The following ADGRB3 variants were observed in gnomAD, a reference collection of about 807,000 sequenced individuals.
ADGRB3 encodes adhesion G protein-coupled receptor B3.
In ADGRB3, 37 loss-of-function variants were observed where a neutral mutation model predicts 193.4. The ratio of observed to expected loss-of-function variants is 0.19; its 90% CI spans 0.15 to 0.25. The LOEUF is 0.25. Ranked by LOEUF, ADGRB3 falls within the 10% of genes least tolerant of loss-of-function variation. ADGRB3 has a pLI of 1.00. For missense variants in ADGRB3, 1,637 were observed against 1,852.9 expected, an observed-to-expected ratio of 0.88 and a Z score of 2.14; for synonymous variants, 690 against 644.2, an observed-to-expected ratio of 1.07 and a Z score of -1.08.
intron 15 of ADGRB3, among the ~76,000 whole-genome samples, chr6:69,053,455 T>A (rs915643199): frequency 6.6e-6 from 1 of 152,212 alleles, no homozygotes; most frequent in African/African-American, 2.4e-5. Flanking sequence ...TGATAGCACA[T>A]GAGTATATCT....
chr6:68,986,941 A>G (rs948100078), intron 10 of ADGRB3, among the ~76,000 whole-genome samples: 1 of 152,126 alleles, frequency 6.6e-6, no homozygotes, highest in Non-Finnish European at 1.5e-5. Flanking sequence ...AAACACACCT[A>G]CTCTTTAAAC....
intron 17 of ADGRB3, among the ~76,000 whole-genome samples, chr6:69,175,060 T>G (rs1227494893): frequency 6.6e-6 from 1 of 152,222 alleles, no homozygotes; most frequent in African/African-American, 2.4e-5. Flanking sequence ...CTGTAGGTTG[T>G]CTGTTTACAC....
chr6:68,949,885 T>A (rs1767869869), intron 6 of ADGRB3, among the ~76,000 whole-genome samples: 1 of 148,462 alleles, frequency 6.7e-6, no homozygotes, highest in African/African-American at 2.6e-5. Context: ...ATTCAAACTT[T>A]AACTTATCAA....
intron 3 of ADGRB3, among the ~76,000 whole-genome samples, chr6:68,649,541 A>G (rs1441674483): frequency 1.3e-5 from 2 of 152,206 alleles, no homozygotes; most frequent in Non-Finnish European, 2.9e-5. Context: ...TACATAATTT[A>G]AACAAATATG....
At chr6:68,994,035 C>G (rs1259273117) in intron 11 of ADGRB3, 73 bp downstream of exon 11, 2 of 1,476,804 alleles carry the variant, frequency 1.4e-6, no homozygotes, top group African/African-American at 2.8e-5. Context: ...GAAGCCAGTG[C>G]AGCCGTCTTG....
At chr6:69,182,871 T>C (rs1344708010) in intron 17 of ADGRB3, among the ~76,000 whole-genome samples, 1 of 152,128 alleles carries the variant, frequency 6.6e-6, no homozygotes, top group Non-Finnish European at 1.5e-5. Context: ...GAGAGATATA[T>C]GCACAGTTGA....
intron 3 of ADGRB3, among the ~76,000 whole-genome samples, chr6:68,883,401 A>C (rs1040135847): frequency 1.3e-5 from 2 of 152,182 alleles, no homozygotes; most frequent in East Asian, 3.9e-4. Context: ...CTGCAGCACC[A>C]GCTGCGGCAA....
chr6:68,679,024 A>G (rs1272455254), intron 3 of ADGRB3, among the ~76,000 whole-genome samples: 1 of 152,194 alleles, frequency 6.6e-6, no homozygotes, highest in Non-Finnish European at 1.5e-5. Flanking sequence ...ATCCTATTTT[A>G]CTGAGTTATT....
At chr6:69,004,390 C>T (rs766688458) in intron 11 of ADGRB3, among the ~76,000 whole-genome samples, 18 of 151,434 alleles carry the variant, frequency 1.2e-4, no homozygotes, top group Non-Finnish European at 2.5e-4. Context: ...TCTGTGTGTT[C>T]TAATATCCTC....
intron 17 of ADGRB3, among the ~76,000 whole-genome samples, chr6:69,206,257 C>T (rs1241584062): frequency 1.3e-5 from 2 of 151,724 alleles, no homozygotes; most frequent in Admixed American, 6.6e-5. Context: ...TCCAGTCTCT[C>T]TTTTCTCATT....
chr6:68,643,615 A>G (rs934613379), intron 3 of ADGRB3, among the ~76,000 whole-genome samples: 1 of 150,740 alleles, frequency 6.6e-6, no homozygotes, highest in African/African-American at 2.4e-5. Context: ...AGCATTCACC[A>G]TATTGCAGCG....
intron 17 of ADGRB3, among the ~76,000 whole-genome samples, chr6:69,155,016 A>C (rs973569517): frequency 6.6e-5 from 10 of 152,230 alleles, no homozygotes; most frequent in Admixed American, 6.5e-4. Flanking sequence ...GAGAATATTG[A>C]AAATGCATTT....
At chr6:69,219,484 TATATATATAC>T (rs1221025300) in intron 17 of ADGRB3, among the ~76,000 whole-genome samples, 21 of 81,606 alleles carry the variant, frequency 2.6e-4, no homozygotes, top group African/African-American at 1.4e-3. Flanking sequence ...TATATATATA[TATATATATAC>T]GTGTGTGTGT....
chr6:68,753,700 G>T (rs1363022398), intron 3 of ADGRB3, among the ~76,000 whole-genome samples: 1 of 152,154 alleles, frequency 6.6e-6, no homozygotes, highest in Non-Finnish European at 1.5e-5. Flanking sequence ...CTGGAAGTGA[G>T]AGAGGCAAAA....
At chr6:68,917,339 T>G (rs1766909551) in intron 3 of ADGRB3, among the ~76,000 whole-genome samples, 1 of 152,238 alleles carries the variant, frequency 6.6e-6, no homozygotes, top group African/African-American at 2.4e-5. Flanking sequence ...TTCCTTTTCA[T>G]GCATCCCAAA....
chr6:68,898,414 A>G lies in ADGRB3; in HGVS notation c.758-32145A>G, dbSNP rs181521770. 6.0e-4 allele frequency among the ~76,000 whole-genome samples: 91 copies of G among 152,254 alleles called. 1 individual carries two copies. The highest frequency in any genetic ancestry group is 2.6e-4 in the Non-Finnish European group (18 of 68,008). On this transcript the variant is annotated intron_variant, in intron 3 of 31. Transcript: ENST00000370598. ...TGATTTAAATGCTAATCTCTTCTGG[A>G]AATTCCCTCACAGACACACCCAGAA...
intron 3 of ADGRB3, among the ~76,000 whole-genome samples, chr6:68,909,277 T>C (rs1281734002): frequency 6.6e-6 from 1 of 152,198 alleles, no homozygotes; most frequent in African/African-American, 2.4e-5. Flanking sequence ...TATTTTCTAT[T>C]ATGAACTTGA....
chr6:69,358,120 A>G (rs994195688), intron 28 of ADGRB3, among the ~76,000 whole-genome samples: 2 of 151,964 alleles, frequency 1.3e-5, no homozygotes, highest in African/African-American at 4.8e-5. Flanking sequence ...CAGAGAAGCA[A>G]TATAAGAGCA....
chr6:69,182,456 C>A (rs1458734922), intron 17 of ADGRB3, among the ~76,000 whole-genome samples: 1 of 151,248 alleles, frequency 6.6e-6, no homozygotes, highest in Non-Finnish European at 1.5e-5. Flanking sequence ...AACTAAGATG[C>A]TACTTCTGAG....
Sources: allele counts gnomAD v4.1 joint callset (sites outside exome capture counted in the v4.1 genomes callset), GRCh38; gene constraint gnomAD v4.1.1; transcripts MANE v1.5; gene names NCBI Gene and HGNC (gene_info 2026-07-23, HGNC 2026-07-21).